Variants in SLCO1A2 observed in about 807,000 individuals in gnomAD.
The protein encoded by SLCO1A2 is OATP-1.
In SLCO1A2, 67 loss-of-function variants were observed where a neutral mutation model predicts 69.0. That is an observed-to-expected ratio of 0.97 (90% CI 0.80 to 1.19). The LOEUF (loss-of-function observed/expected upper bound fraction) is 1.19. Among genes scored for constraint, SLCO1A2 ranks in the 50% most tolerant of loss-of-function variants. The pLI, the probability that SLCO1A2 is intolerant of heterozygous loss-of-function variation, is 0.00. For synonymous variants in SLCO1A2, 260 were observed against 265.9 expected (o/e 0.98, Z 0.22); for missense variants, 787 against 793.7 (o/e 0.99, Z 0.10).
intron 3 of SLCO1A2, 118 bp downstream of exon 3, chr12:21,318,664 A>G: frequency 1.3e-6 from 1 of 785,654 alleles, no homozygotes; most frequent in Non-Finnish European, 1.9e-6. Flanking sequence ...AGTTTTAGAA[A>G]ACTTATAACT....
chr12:21,416,385 CAA>C (rs1491197498), intron 1 of SLCO1A2, among the ~76,000 whole-genome samples: 12 of 149,532 alleles, frequency 8.0e-5, no homozygotes, highest in Non-Finnish European at 1.2e-4. Flanking sequence ...CACACACACA[CAA>C]AAGACAATAA....
At chr12:21,398,614 C>T (rs571120725), upstream of SLCO1A2, among the ~76,000 whole-genome samples, 4 of 151,906 alleles carry the variant, frequency 2.6e-5, no homozygotes, top group South Asian at 8.3e-4. Context: ...AACATTGATG[C>T]AAAAATCCTC....
intron 1 of SLCO1A2, among the ~76,000 whole-genome samples, chr12:21,402,510 G>A (rs888752205): frequency 5.9e-5 from 9 of 152,002 alleles, no homozygotes; most frequent in Admixed American, 2.6e-4. Flanking sequence ...TTTTTTGAAA[G>A]ATTTATCACA....
upstream of SLCO1A2, among the ~76,000 whole-genome samples, chr12:21,396,660 TA>T (rs1402337571): frequency 7.2e-5 from 11 of 152,236 alleles, no homozygotes; most frequent in African/African-American, 2.2e-4. Context: ...CCCATCAGAC[TA>T]AAAGTGGATC....
rs956383822 is a variant in SLCO1A2 at position 21,269,265 on chromosome 12, C to A, written c.*283G>T. 4.1e-6 allele frequency: 1 copy of A among 245,238 alleles called. No individual in the cohort carries two copies. Among genetic ancestry groups the A allele is most frequent in the Non-Finnish European group, 7.8e-6 (1 of 128,500 alleles). The allele number at this position is 245,238 out of a possible 1,614,324, so 15.2% of individuals were successfully genotyped here. A position where few individuals can be genotyped will look rare whatever the true frequency, so the allele number is the denominator to read the frequency against. Reference sequence around the variant, plus strand: ...TAGAAGGAGATGTAGGAAGTACACCCTTACTTCGATGAATTAAGGGAAATT... The same window carrying A: ...TAGAAGGAGATGTAGGAAGTACACCATTACTTCGATGAATTAAGGGAAATT... On this transcript the variant is annotated 3_prime_UTR_variant, in exon 15 of 15. Transcript: ENST00000683939.
intron 1 of SLCO1A2, among the ~76,000 whole-genome samples, chr12:21,400,562 A>G (rs1019400948): frequency 6.6e-6 from 1 of 152,000 alleles, no homozygotes; most frequent in African/African-American, 2.4e-5. Flanking sequence ...ATGCTGCTAT[A>G]AAGACACATG....
Position 21,323,126 on chromosome 12 carries a change from CAG to C in SLCO1A2, c.61-4205_61-4204del, listed in dbSNP as rs542166420. 1.2e-4 allele frequency among the ~76,000 whole-genome samples: 19 copies of C among 152,252 alleles called. No homozygotes were observed. The South Asian group carries it at 2.9e-3, about 23-fold the overall frequency. On this transcript the variant is annotated intron_variant, in intron 2 of 14. Coordinates refer to ENST00000683939, the MANE Select transcript of SLCO1A2 (RefSeq NM_001386879.1). ...TTTTTTTCAGTAAAAAGTCAACAAA[CAG>C]AAAGCCAAAGGCCAGGTTACAAAAC...
upstream of SLCO1A2, among the ~76,000 whole-genome samples, chr12:21,418,517 T>G (rs537937315): frequency 6.6e-6 from 1 of 152,188 alleles, no homozygotes; most frequent in Non-Finnish European, 1.5e-5. Flanking sequence ...CTCATAATCA[T>G]GATGGAAGGC....
chr12:21,279,224 T>TA (rs1273908751), intron 12 of SLCO1A2, among the ~76,000 whole-genome samples: 3 of 152,052 alleles, frequency 2.0e-5, no homozygotes, highest in Non-Finnish European at 4.4e-5. Context: ...AAATAGTCTC[T>TA]AAAGGGCAAA....
intron 2 of SLCO1A2, among the ~76,000 whole-genome samples, chr12:21,353,102 C>T (rs1423455290): frequency 6.6e-6 from 1 of 152,154 alleles, no homozygotes; most frequent in Non-Finnish European, 1.5e-5. Flanking sequence ...TTTGACTATA[C>T]ACATTACTGC....
At position 21,403,367 on chromosome 12, in the gene SLCO1A2, C is replaced by G. The variant is rs573137787; in HGVS notation, c.-312+14515G>C. On this transcript the variant is annotated intron_variant, in intron 1 of 4. Coordinates refer to the SLCO1A2 transcript ENST00000413682. ...AAATCTCCTTATATTTTTCCAAGTA[C>G]AAATGACTAAATTGCAACCCACAAC... 6 of 152,226 alleles carry G rather than the reference C, an allele frequency of 3.9e-5. No individual in the cohort carries two copies. The South Asian group carries it at 8.3e-4, about 21-fold the overall frequency. 9.4% of individuals were successfully genotyped at this position (152,226 alleles called of 1,614,324 possible).
chr12:21,320,070 T>C (rs1002396272), intron 2 of SLCO1A2, among the ~76,000 whole-genome samples: 2 of 152,258 alleles, frequency 1.3e-5, no homozygotes, highest in South Asian at 2.1e-4. Flanking sequence ...CTTGGTCCTA[T>C]TGAAGACAGT....
intron 1 of SLCO1A2, among the ~76,000 whole-genome samples, chr12:21,381,934 A>C (rs11834359): frequency 0.29 from 44,072 of 152,196 alleles, 8,668 homozygotes; most frequent in African/African-American, 0.57. Context: ...CCTTAAAGAG[A>C]TAAAAGTACA....
At chr12:21,279,557 TAAAGTGCTGAAGGA>T (rs1337824157) in intron 12 of SLCO1A2, among the ~76,000 whole-genome samples, 1 of 151,726 alleles carries the variant, frequency 6.6e-6, no homozygotes, top group African/African-American at 2.4e-5. Flanking sequence ...ATGACATACT[TAAAGTGCTGAAGGA>T]AAAAAACTTT....
intron 2 of SLCO1A2, among the ~76,000 whole-genome samples, chr12:21,333,930 G>A: frequency 6.6e-6 from 1 of 151,962 alleles, no homozygotes; most frequent in East Asian, 1.9e-4. Flanking sequence ...ACAAACTTCT[G>A]ATAGGGAGAA....
rs763330980 is a variant in SLCO1A2, at chr12:21,300,519, A to G, written c.739T>C (p.Phe247Leu). The G allele has an allele frequency of 6.2e-7, 1 of 1,613,332 alleles. No individual in the cohort carries two copies. The highest frequency in any genetic ancestry group is 2.2e-5 in the East Asian group (1 of 44,810). The change falls in exon 8 of 15, where the codon TTT becomes CTT. Residue 247 changes from phenylalanine to leucine, a missense_variant. By Grantham distance (22) the Phe-to-Leu change is conservative. Coordinates refer to ENST00000683939, the MANE Select transcript of SLCO1A2 (RefSeq NM_001386879.1). ...TDTRWVGAWW[F>L]GFLICAGVNV... is the part of the protein sequence containing the mutation. The stretch of plus-strand genomic sequence containing the variant: ...ACTCCTGCACAAATCAGAAAGCCAA[A>G]CCACCATGCACCGACCCAACGAGTG...
rs182486959 is a variant in SLCO1A2 at position 21,362,010 on chromosome 12, G to A, written c.-63+12389C>T. Reference sequence around the variant, plus strand: ...CGGAGAACTTCCCCAACCTAGCGGGGAAGGCCAACATTCAAATTCAGAAAA... The same window carrying A: ...CGGAGAACTTCCCCAACCTAGCGGGAAAGGCCAACATTCAAATTCAGAAAA... On this transcript the variant is annotated intron_variant, in intron 2 of 15. Coordinates refer to the SLCO1A2 transcript ENST00000307378. 1.1e-4 allele frequency among the ~76,000 whole-genome samples: 16 copies of A among 152,264 alleles called. No homozygotes were observed. In the East Asian group the frequency reaches 1.7e-3, roughly 17 times the overall value.
chr12:21,330,480 G>A (rs12368481), intron 2 of SLCO1A2, among the ~76,000 whole-genome samples: 16,981 of 152,152 alleles, frequency 0.11, 1,038 homozygotes, highest in Non-Finnish European at 0.13. Flanking sequence ...CTGCACTCCA[G>A]CCTGGGTGAC....
intron 12 of SLCO1A2, among the ~76,000 whole-genome samples, chr12:21,285,254 C>A (rs1351844770): frequency 3.3e-5 from 5 of 152,156 alleles, no homozygotes; most frequent in Non-Finnish European, 5.9e-5. Flanking sequence ...ACTAGAAAAT[C>A]TAGAAGAAAT....
Sources: gnomAD v4.1 joint callset for allele counts (sites outside exome capture counted in the v4.1 genomes callset) on GRCh38, gnomAD v4.1.1 for gene constraint, MANE v1.5 for transcripts, NCBI Gene and HGNC (gene_info 2026-07-23, HGNC 2026-07-21) for gene names.